Variants in ADGRL2 observed in about 807,000 individuals in gnomAD.
ADGRL2 encodes the protein calcium-independent alpha-latrotoxin receptor 2.
In ADGRL2, 44 loss-of-function variants were observed where a neutral mutation model predicts 157.4. The ratio of observed to expected loss-of-function variants is 0.28; its 90% confidence interval spans 0.22 to 0.36. The LOEUF (loss-of-function observed/expected upper bound fraction) is 0.36. ADGRL2 is among the 10% of genes least tolerant of loss of function. ADGRL2 has a pLI of 1.00. For missense variants in ADGRL2, 1,510 were observed against 1,768.9 expected (o/e 0.85, Z 2.63); for synonymous variants, 585 against 624.7 (o/e 0.94, Z 0.95).
intron 2 of ADGRL2, among the ~76,000 whole-genome samples, chr1:81,561,524 G>A (rs528745712): frequency 1.6e-3 from 244 of 148,794 alleles, no homozygotes; most frequent in Non-Finnish European, 2.8e-3. Flanking sequence ...GCAGTGGTGC[G>A]ATCTTGTCTC....
At chr1:81,581,429 A>G (rs2080904326) in intron 3 of ADGRL2, among the ~76,000 whole-genome samples, 1 of 152,226 alleles carries the variant, frequency 6.6e-6, no homozygotes, top group Non-Finnish European at 1.5e-5. Context: ...ACTAAAGAGT[A>G]AACTAGGTTA....
At chr1:81,515,794 A>C (rs2148122807) in intron 2 of ADGRL2, among the ~76,000 whole-genome samples, 1 of 152,298 alleles carries the variant, frequency 6.6e-6, no homozygotes, top group South Asian at 2.1e-4. Flanking sequence ...TATAAATATA[A>C]GATTATACAG....
chr1:81,640,320 C>A (rs1306236126), intron 3 of ADGRL2, among the ~76,000 whole-genome samples: 1 of 151,872 alleles, frequency 6.6e-6, no homozygotes, highest in African/African-American at 2.4e-5. Flanking sequence ...TGAGCATGAC[C>A]AAAAGGAGAA....
intron 2 of ADGRL2, among the ~76,000 whole-genome samples, chr1:81,838,677 A>C (rs1178872632): frequency 6.6e-6 from 1 of 152,114 alleles, no homozygotes; most frequent in African/African-American, 2.4e-5. Flanking sequence ...ATGGCTCATT[A>C]GTCCACATAA....
At chr1:81,719,269 C>G (rs895329065) in intron 1 of ADGRL2, among the ~76,000 whole-genome samples, 2 of 152,200 alleles carry the variant, frequency 1.3e-5, no homozygotes, top group African/African-American at 4.8e-5. Context: ...TATAGGCCAC[C>G]ATCCGTTCCT....
chr1:81,374,582 A>AAAAAAAAAAAAAAC (rs1412789002), intron 1 of ADGRL2, among the ~76,000 whole-genome samples: 1 of 151,526 alleles, frequency 6.6e-6, no homozygotes, highest in African/African-American at 2.4e-5. Context: ...AAAAAAGAAA[A>AAAAAAAAAAAAAAC]AAAAAACAAG....
intron 3 of ADGRL2, among the ~76,000 whole-genome samples, chr1:81,656,829 G>A (rs1398031360): frequency 1.3e-5 from 2 of 151,828 alleles, no homozygotes; most frequent in Non-Finnish European, 2.9e-5. Flanking sequence ...GGGCAACATG[G>A]CAAAACCCTG....
intron 3 of ADGRL2, among the ~76,000 whole-genome samples, chr1:81,652,297 G>T (rs1167254311): frequency 6.6e-6 from 1 of 152,224 alleles, no homozygotes; most frequent in East Asian, 1.9e-4. Flanking sequence ...CCTTATAAAT[G>T]TTAAGTCCAT....
At chr1:81,316,107 C>T (rs1660088017) in intron 1 of ADGRL2, among the ~76,000 whole-genome samples, 1 of 147,444 alleles carries the variant, frequency 6.8e-6, no homozygotes, top group African/African-American at 2.5e-5. Flanking sequence ...GGCATCTTAG[C>T]ATAGGATCAT....
In ADGRL2 at chr1:81,907,191, A is replaced by G. The variant is rs1263171781; in HGVS notation, c.248A>G (p.Asp83Gly). 1 of 1,614,108 alleles carries G rather than the reference A, an allele frequency of 6.2e-7. No individual in the cohort carries two copies. Among genetic ancestry groups the G allele is most frequent in the Admixed American group, 1.7e-5 (1 of 60,014 alleles). Residue 83 changes from aspartate to glycine, a missense_variant, in exon 3 of 24, where the codon GAC becomes GGC. By Grantham distance (94) the Asp-to-Gly change is moderately conservative. This residue lies in a region of ADGRL2 where 361 missense variants were observed against 498.4 expected (regional missense o/e 0.72). Coordinates refer to ENST00000686636, the MANE Select transcript of ADGRL2 (RefSeq NM_001366006.2). ...GACCCATTTCAGATGGAGAATACAG[A>G]CTGCTACCTCCCCGATGCCTTCAAA... Reference protein sequence around the residue: ...DADPFQMENTDCYLPDAFKIM... With the variant: ...DADPFQMENTGCYLPDAFKIM...
chr1:81,803,554 C>T (rs1557672491), intron 1 of ADGRL2, among the ~76,000 whole-genome samples: 1 of 152,068 alleles, frequency 6.6e-6, no homozygotes. Flanking sequence ...TCTTTTCTCC[C>T]TCTCCCCGCC....
Position 81,976,075 on chromosome 1 carries a change from C to T in ADGRL2, c.3022-3794C>T, listed in dbSNP as rs1325096229. Among the ~76,000 whole-genome samples, 3 of 151,894 alleles carry T rather than the reference C, an allele frequency of 2.0e-5. No individual in the cohort carries two copies. The East Asian group carries it at 5.8e-4, about 29-fold the overall frequency. On this transcript the variant is annotated intron_variant, in intron 17 of 23. Coordinates refer to ENST00000686636, the MANE Select transcript of ADGRL2 (RefSeq NM_001366006.2). Reference sequence around the variant, plus strand: ...ATGTATCTGTGCTTCAGTATATGTTCTATTTAATTCCAGAAGATATTTTAT... The same window carrying T: ...ATGTATCTGTGCTTCAGTATATGTTTTATTTAATTCCAGAAGATATTTTAT...
intron 2 of ADGRL2, among the ~76,000 whole-genome samples, chr1:81,459,939 G>A (rs12035847): frequency 0.012 from 1,879 of 151,900 alleles, 28 homozygotes; most frequent in East Asian, 0.041. Flanking sequence ...TTCTATAGCA[G>A]CTGCACAATT....
At chr1:81,684,250 G>A (rs574275175) in intron 3 of ADGRL2, among the ~76,000 whole-genome samples, 17 of 152,296 alleles carry the variant, frequency 1.1e-4, no homozygotes, top group African/African-American at 3.6e-4. Flanking sequence ...ATTCCCACCA[G>A]CAGTGTAGAA....
chr1:81,812,736 A>G (rs1162919086), intron 1 of ADGRL2, among the ~76,000 whole-genome samples: 2 of 151,816 alleles, frequency 1.3e-5, no homozygotes, highest in Non-Finnish European at 3.0e-5. Flanking sequence ...GATGAGTTGC[A>G]TATGTGCTTT....
intron 1 of ADGRL2, among the ~76,000 whole-genome samples, chr1:81,828,508 A>G (rs1364504338): frequency 6.6e-6 from 1 of 152,174 alleles, no homozygotes; most frequent in Admixed American, 6.5e-5. Context: ...TTTAAAAACC[A>G]TTAAAATGTT....
chr1:81,950,129 A>ACGAC lies in ADGRL2; in HGVS notation c.1211-60_1211-59insCGAC, dbSNP rs1651281074. On this transcript the variant is annotated intron_variant, in intron 6 of 23. Coordinates refer to ENST00000686636, the MANE Select transcript of ADGRL2 (RefSeq NM_001366006.2). ...GTGCATGCACACATTCCATGTGTGC[A>ACGAC]TGACTGTATGTGAGTGCAAGTGTGT... The ACGAC allele has an allele frequency of 1.5e-5, 21 of 1,409,432 alleles. No individual in the cohort carries two copies. The East Asian group carries it at 2.3e-4, about 15-fold the overall frequency. 87.3% of individuals were successfully genotyped at this position (1,409,432 alleles called of 1,614,324 possible). A position where few individuals can be genotyped will look rare whatever the true frequency, so the allele number is the denominator to read the frequency against.
chr1:81,359,001 G>A (rs951977074), intron 1 of ADGRL2, among the ~76,000 whole-genome samples: 1 of 151,978 alleles, frequency 6.6e-6, no homozygotes, highest in African/African-American at 2.4e-5. Flanking sequence ...AGAGAATCCA[G>A]GGAAAGGAAA....
At chr1:81,564,872 T>G (rs2080524353) in intron 2 of ADGRL2, among the ~76,000 whole-genome samples, 1 of 152,148 alleles carries the variant, frequency 6.6e-6, no homozygotes, top group Non-Finnish European at 1.5e-5. Context: ...CCTGAATGAA[T>G]GTCTTATGGT....
Sources: allele counts gnomAD v4.1 joint callset (sites outside exome capture counted in the v4.1 genomes callset), GRCh38; gene constraint gnomAD v4.1.1; regional missense constraint gnomAD v4.1.1; transcripts MANE v1.5; gene names NCBI Gene and HGNC (gene_info 2026-07-23, HGNC 2026-07-21).